Variants in SYNE2 observed in about 807,000 individuals in gnomAD.
The protein encoded by SYNE2 is spectrin repeat containing nuclear envelope protein 2.
A neutral mutation model predicts 856.3 loss-of-function variants in SYNE2; 431 were observed. That is an observed-to-expected ratio of 0.50 (90% CI 0.47 to 0.55). SYNE2 has a LOEUF of 0.55. SYNE2 is among the 20% of genes least tolerant of loss of function. The pLI is 0.00. For synonymous variants in SYNE2, 2,923 were observed against 2,872.3 expected, an observed-to-expected ratio of 1.02 and a Z score of -0.56; for missense variants, 8,129 against 8,023.2, an observed-to-expected ratio of 1.01 and a Z score of -0.50.
At chr14:64,070,290 T>C (rs1432896575) in intron 51 of SYNE2, among the ~76,000 whole-genome samples, 44 of 152,204 alleles carry the variant, frequency 2.9e-4, no homozygotes, top group Admixed American at 2.9e-3. Flanking sequence ...TTGCCCAACC[T>C]CTTATACTTA....
rs1281642420 is a variant in SYNE2, at chr14:63,879,683, GA to G, written c.-52+26544del. On this transcript the variant is annotated intron_variant, in intron 1 of 115. Transcript: ENST00000555002. ...CTTGCCCCAGCCTGAGACAAAGGAG[GA>G]AAAGTAAATCTATTCAGATAAATAA... 3.9e-5 allele frequency among the ~76,000 whole-genome samples: 6 copies of G among 152,356 alleles called. 1 individual carries two copies. Among genetic ancestry groups the G allele is most frequent in the Admixed American group, 2.0e-4 (3 of 15,296 alleles).
chr14:64,066,397 C>T (rs2097358988), intron 51 of SYNE2, among the ~76,000 whole-genome samples: 1 of 152,070 alleles, frequency 6.6e-6, no homozygotes, highest in Non-Finnish European at 1.5e-5. Flanking sequence ...TCTTGGGAGG[C>T]TGAGGTGGGA....
At chr14:64,172,851 C>T (rs2098417329) in intron 94 of SYNE2, among the ~76,000 whole-genome samples, 1 of 151,782 alleles carries the variant, frequency 6.6e-6, no homozygotes, top group African/African-American at 2.4e-5. Context: ...GAGGGTCACA[C>T]TTGAGCCCGG....
At chr14:64,149,960 T>C (rs1187572544) in intron 84 of SYNE2, among the ~76,000 whole-genome samples, 1 of 149,966 alleles carries the variant, frequency 6.7e-6, no homozygotes, top group Non-Finnish European at 1.5e-5. Flanking sequence ...CCCCACCGTG[T>C]GTGGTTGTTC....
chr14:63,884,067 A>G (rs373612495), intron 1 of SYNE2, among the ~76,000 whole-genome samples: 18 of 152,314 alleles, frequency 1.2e-4, no homozygotes, highest in African/African-American at 3.1e-4. Flanking sequence ...GGCGAAGCTT[A>G]GAGAGGAGCC....
chr14:64,037,272 C>T (rs1252321635), intron 45 of SYNE2, among the ~76,000 whole-genome samples: 5 of 151,590 alleles, frequency 3.3e-5, no homozygotes, highest in African/African-American at 7.3e-5. Flanking sequence ...GGCGGAGGAC[C>T]CTGCGGCCTT....
In SYNE2 at chr14:64,225,422, C is replaced by T; in HGVS notation, c.20620C>T (p.Leu6874=). 2 of 1,614,160 alleles carry T rather than the reference C, an allele frequency of 1.2e-6. No individual in the cohort carries two copies. The highest frequency in any genetic ancestry group is 1.7e-6 in the Non-Finnish European group (2 of 1,180,018). The part of the protein sequence containing the change: ...LLLLLLLLAC[L]LPSSEEDYSC... ...CCTGCTGCTGCTGCTCCTGGCCTGCCTGCTGCCCTCCTCCGAAGAAGACTA... is the reference window on the plus strand; with the variant it reads ...CCTGCTGCTGCTGCTCCTGGCCTGCTTGCTGCCCTCCTCCGAAGAAGACTA... Residue 6874 remains leucine (L), a synonymous_variant, in exon 116 of 116, where the codon CTG becomes TTG. Transcript: ENST00000555002.
At chr14:64,040,354 G>T (rs2097138640) in intron 45 of SYNE2, among the ~76,000 whole-genome samples, 1 of 151,740 alleles carries the variant, frequency 6.6e-6, no homozygotes, top group Non-Finnish European at 1.5e-5. Flanking sequence ...AAAAAAAGAA[G>T]AAATTGAAAT....
chr14:64,214,259 G>T lies in SYNE2; in HGVS notation c.19122G>T (p.Gln6374His). The change falls in exon 106 of 116, where the codon CAG becomes CAT. Residue 6374 changes from glutamine (Q) to histidine (H), a missense_variant. Physicochemically the swap from Gln to His is conservative, Grantham distance 24 (BLOSUM62 0). Around this residue, in one of 3 missense-constraint regions of SYNE2, gnomAD observed 5,410 missense variants for 5,284.8 expected, o/e 1.02. Coordinates refer to ENST00000555002, the MANE Select transcript of SYNE2 (RefSeq NM_182914.3). Reference sequence around the variant, plus strand: ...ACATGGAAGACCCCAGAGAAATCCAGACTGATTCTTGGCGTAAACGGGGAG... The same window carrying T: ...ACATGGAAGACCCCAGAGAAATCCATACTGATTCTTGGCGTAAACGGGGAG... ...ETDMEDPREI[Q>H]TDSWRKRGES... The T allele has an allele frequency of 1.2e-6, 2 of 1,614,166 alleles. No homozygotes were observed. The highest frequency in any genetic ancestry group is 8.5e-7 in the Non-Finnish European group (1 of 1,180,034).
intron 99 of SYNE2, among the ~76,000 whole-genome samples, chr14:64,196,496 C>T (rs1036599184): frequency 2.6e-5 from 4 of 152,132 alleles, no homozygotes; most frequent in Non-Finnish European, 5.9e-5. Flanking sequence ...CTAAATGACC[C>T]TCCTAAACCA....
chr14:64,015,868 A>G (rs1286064296), intron 32 of SYNE2, among the ~76,000 whole-genome samples: 1 of 151,974 alleles, frequency 6.6e-6, no homozygotes, highest in Non-Finnish European at 1.5e-5. Flanking sequence ...GTGCTATACA[A>G]GTTTTCATGT....
chr14:63,789,250 G>T (rs888383259), intron 1 of SYNE2, among the ~76,000 whole-genome samples: 3 of 152,112 alleles, frequency 2.0e-5, no homozygotes, highest in Admixed American at 6.6e-5. Context: ...TGCTCTCAGT[G>T]CCTGGTGACA....
intron 99 of SYNE2, among the ~76,000 whole-genome samples, chr14:64,195,870 A>G (rs951695935): frequency 6.6e-6 from 1 of 152,100 alleles, no homozygotes; most frequent in African/African-American, 2.4e-5. Context: ...ATTTTAGCAC[A>G]GGGAGAGCCA....
At chr14:64,016,330 G>A (rs1240224468) in intron 32 of SYNE2, 143 bp from the exon 33 acceptor site, 17 of 572,444 alleles carry the variant, frequency 3.0e-5, no homozygotes, top group Middle Eastern at 5.0e-4. Flanking sequence ...CGATAAAAAC[G>A]TACTTTAAAA....
intron 85 of SYNE2, among the ~76,000 whole-genome samples, chr14:64,154,955 T>C (rs1397797194): frequency 2.0e-5 from 3 of 152,080 alleles, no homozygotes; most frequent in East Asian, 3.8e-4. Flanking sequence ...CCCACTAGGA[T>C]AGCTGTAACA....
rs377094710 is a variant in SYNE2, at chr14:64,070,275, A to G, written c.10432-370A>G. 4.4e-4 allele frequency among the ~76,000 whole-genome samples: 67 copies of G among 152,340 alleles called. No individual in the cohort carries two copies. The South Asian group carries it at 0.012, about 27-fold the overall frequency. On this transcript the variant is annotated intron_variant, in intron 51 of 115. Coordinates refer to ENST00000555002, the MANE Select transcript of SYNE2 (RefSeq NM_182914.3). ...ACCAGCAGAAAAATTTTCCATATCC[A>G]ATAGTTGCCCAACCTCTTATACTTA... is the stretch of plus-strand genomic sequence containing the variant.
In SYNE2 at chr14:64,052,712, T is replaced by C. The variant is rs2097236513; in HGVS notation, c.8799T>C (p.Asn2933=). Residue 2933 remains asparagine (N), a synonymous_variant, in exon 48 of 116, where the codon AAT becomes AAC. Transcript: ENST00000555002. ...ACAGAATACAAAGATTCATTCAGAA[T>C]ACATGTAATGAAGTGGAACACAAGA... ...RTNRIQRFIQ[N]TCNEVEHKIK... is the part of the protein sequence containing the mutation. 5 of 1,613,828 alleles carry C rather than the reference T, an allele frequency of 3.1e-6. No individual in the cohort carries two copies. Among genetic ancestry groups the C allele is most frequent in the Non-Finnish European group, 3.4e-6 (4 of 1,179,858 alleles).
At chr14:63,794,682 G>A (rs1325567504) in intron 1 of SYNE2, among the ~76,000 whole-genome samples, 1 of 152,078 alleles carries the variant, frequency 6.6e-6, no homozygotes, top group Non-Finnish European at 1.5e-5. Flanking sequence ...AACTATTAGA[G>A]AAATGCAAAT....
At chr14:64,112,959 A>G (rs968465749) in intron 65 of SYNE2, 33 of 971,274 alleles carry the variant, frequency 3.4e-5, no homozygotes, top group Non-Finnish European at 3.8e-5. Context: ...GTGTGCAGCA[A>G]TGTAAGCATT....
Sources: gnomAD v4.1 joint callset for allele counts (sites outside exome capture counted in the v4.1 genomes callset) on GRCh38, gnomAD v4.1.1 for gene constraint, gnomAD v4.1.1 regional missense constraint, MANE v1.5 for transcripts, NCBI Gene and HGNC (gene_info 2026-07-23, HGNC 2026-07-21) for gene names.